SCAF8: variants seen among roughly 807,000 people sequenced by gnomAD.
The protein encoded by SCAF8 is SR-related and CTD-associated factor 8.
A neutral mutation model predicts 140.5 loss-of-function variants in SCAF8; 23 were observed. The observed-to-expected ratio is 0.16, with a 90% CI of 0.12 to 0.23. SCAF8 has a LOEUF of 0.23. Among genes scored for constraint, SCAF8 ranks in the 10% least tolerant of loss-of-function variants. The pLI is 1.00. For synonymous variants in SCAF8, 575 were observed against 528.9 expected, an observed-to-expected ratio of 1.09 and a Z score of -1.20; for missense variants, 1,397 against 1,555.7, an observed-to-expected ratio of 0.90 and a Z score of 1.72.
intron 1 of SCAF8, among the ~76,000 whole-genome samples, chr6:154,742,779 TCTCTAAA>T (rs1778604133): frequency 1.3e-5 from 2 of 152,222 alleles, no homozygotes; most frequent in Admixed American, 6.5e-5. Flanking sequence ...TTGCTCATGT[TCTCTAAA>T]GACAATTTTG....
In SCAF8 at chr6:154,805,432, G is replaced by A. The variant is rs1777885120; in HGVS notation, c.927G>A (p.Gln309=). Reference sequence around the variant, plus strand: ...ATCAGATAGCAGAACAACTACAACAGCAAAACCTAGAACATCTCAGACAGC... The same window carrying A: ...ATCAGATAGCAGAACAACTACAACAACAAAACCTAGAACATCTCAGACAGC... ...IFHQIAEQLQ[Q]QNLEHLRQQL... Residue 309 remains glutamine, a synonymous_variant, in exon 9 of 20, where the codon CAG becomes CAA. Transcript: ENST00000367178. 6.2e-7 allele frequency: 1 copy of A among 1,612,288 alleles called. No individual in the cohort carries two copies. The highest frequency in any genetic ancestry group is 1.3e-5 in the African/African-American group (1 of 74,978).
chr6:154,791,194 T>G (rs1403499832), intron 4 of SCAF8, among the ~76,000 whole-genome samples: 1 of 152,192 alleles, frequency 6.6e-6, no homozygotes, highest in African/African-American at 2.4e-5. Context: ...TGTAAAACTT[T>G]AATACAACCA....
At chr6:154,758,597 C>T (rs1779023578) in intron 1 of SCAF8, among the ~76,000 whole-genome samples, 1 of 152,088 alleles carries the variant, frequency 6.6e-6, no homozygotes, top group South Asian at 2.1e-4. Flanking sequence ...ATTCATTCTC[C>T]AGATGCCAGT....
chr6:154,816,790 CTTTA>C (rs775728071), intron 13 of SCAF8, among the ~76,000 whole-genome samples: 23 of 152,110 alleles, frequency 1.5e-4, no homozygotes, highest in Non-Finnish European at 3.1e-4. Flanking sequence ...TAACAGAATT[CTTTA>C]TTTGAGTTGA....
chr6:154,766,513 C>T (rs1299272304), intron 1 of SCAF8, among the ~76,000 whole-genome samples: 1 of 152,062 alleles, frequency 6.6e-6, no homozygotes, highest in Non-Finnish European at 1.5e-5. Context: ...GGCACTGCTT[C>T]TTCTGCTGCT....
chr6:154,756,137 GAA>G (rs1259820210), intron 1 of SCAF8, among the ~76,000 whole-genome samples: 4 of 152,266 alleles, frequency 2.6e-5, no homozygotes, highest in African/African-American at 4.8e-5. Context: ...TGTTAATGAG[GAA>G]AAGTTTGAGG....
Position 154,826,032 on chromosome 6 carries a change from T to TC in SCAF8, c.2072-1140_2072-1139insC, listed in dbSNP as rs368658409. Among the ~76,000 whole-genome samples, 568 of 152,292 alleles carry TC rather than the reference T, an allele frequency of 3.7e-3. 4 individuals carry two copies. Among genetic ancestry groups the TC allele is most frequent in the African/African-American group, 0.013 (542 of 41,554 alleles). ...AGAAGAAATACGGTATGTTGACTTC[T>TC]GTAACTTAAGTTCTTAGATGTTGGG... is the stretch of plus-strand genomic sequence containing the variant. On this transcript the variant is annotated intron_variant, in intron 17 of 19. Transcript: ENST00000367178.
intron 1 of SCAF8, among the ~76,000 whole-genome samples, chr6:154,772,050 T>TG (rs916116810): frequency 2.7e-4 from 41 of 151,796 alleles, no homozygotes; most frequent in Admixed American, 2.6e-3. Context: ...GAGACAAATA[T>TG]GGGGAAAAAC....
chr6:154,745,365 G>A (rs2114798415), intron 1 of SCAF8, among the ~76,000 whole-genome samples: 1 of 152,196 alleles, frequency 6.6e-6, no homozygotes, highest in Admixed American at 6.5e-5. Flanking sequence ...GGGATGTAGA[G>A]CTTTTGTTTA....
rs138382459 is a variant in SCAF8, at chr6:154,739,858, A to G, written c.30+5928A>G. ...ATCTCACCAACATCTAGTAGTAGAC[A>G]TGGCTTGGTAGAGAAAAGTGGAAAA... On this transcript the variant is annotated intron_variant, in intron 1 of 19. Coordinates refer to ENST00000367178, the MANE Select transcript of SCAF8 (RefSeq NM_014892.5). Among the ~76,000 whole-genome samples, 301 of 152,346 alleles carry G rather than the reference A, an allele frequency of 2.0e-3. 1 individual carries two copies. Among genetic ancestry groups the G allele is most frequent in the African/African-American group, 6.8e-3 (281 of 41,574 alleles).
chr6:154,757,774 T>C (rs1205703516), intron 1 of SCAF8, among the ~76,000 whole-genome samples: 1 of 152,224 alleles, frequency 6.6e-6, no homozygotes, highest in Admixed American at 6.5e-5. Context: ...CATGTACATA[T>C]GCCTCTGGAT....
chr6:154,788,450 G>T (rs1239762778), intron 4 of SCAF8, among the ~76,000 whole-genome samples: 2 of 152,122 alleles, frequency 1.3e-5, no homozygotes, highest in African/African-American at 4.8e-5. Flanking sequence ...TTTGCTCTTA[G>T]TTATTTCAAA....
At chr6:154,785,367 G>A (rs1777222084) in intron 3 of SCAF8, among the ~76,000 whole-genome samples, 1 of 152,172 alleles carries the variant, frequency 6.6e-6, no homozygotes, top group Non-Finnish European at 1.5e-5. Context: ...GAGTGGAATT[G>A]CTGGTTACAG....
At chr6:154,809,960 A>G in intron 11 of SCAF8, 55 bp from the exon 12 acceptor site, 1 of 1,399,790 alleles carries the variant, frequency 7.1e-7, no homozygotes. Context: ...TAGAAGTGAC[A>G]GATTTGGTAG....
At position 154,795,152 on chromosome 6, in the gene SCAF8, TC is replaced by T; in HGVS notation, c.606+14del. ...TCAAGGCCAGCAGGTGAGCGGTTTT[TC>T]TGTTATATCAAGAATAATTTAGAAT... On this transcript the variant is annotated intron_variant, in intron 6 of 19. Coordinates refer to ENST00000367178, the MANE Select transcript of SCAF8 (RefSeq NM_014892.5). 4.2e-6 allele frequency: 2 copies of T among 478,710 alleles called. No homozygotes were observed. Among genetic ancestry groups the T allele is most frequent in the South Asian group, 6.1e-5 (1 of 16,278 alleles). 29.7% of individuals were successfully genotyped at this position (478,710 alleles called of 1,614,324 possible).
intron 1 of SCAF8, among the ~76,000 whole-genome samples, chr6:154,752,792 T>A (rs1778870069): frequency 6.6e-6 from 1 of 152,162 alleles, no homozygotes; most frequent in African/African-American, 2.4e-5. Context: ...TGCAGTCATG[T>A]CTTGCAGCAT....
chr6:154,809,881 C>G (rs1039109365), intron 11 of SCAF8, 134 bp from the exon 12 acceptor site: 1 of 784,372 alleles, frequency 1.3e-6, no homozygotes, highest in African/African-American at 1.8e-5. Flanking sequence ...CTTGATTTTA[C>G]TTCAGAATAT....
intron 1 of SCAF8, among the ~76,000 whole-genome samples, chr6:154,756,225 G>C (rs565290498): frequency 1.7e-4 from 26 of 152,284 alleles, no homozygotes; most frequent in Middle Eastern, 3.4e-3. Flanking sequence ...GAATAACAAA[G>C]ATGCTCCGTC....
intron 14 of SCAF8, 144 bp from the exon 15 acceptor site, chr6:154,820,033 A>T: frequency 1.8e-6 from 1 of 569,036 alleles, no homozygotes; most frequent in Non-Finnish European, 2.9e-6. Context: ...GGCTACTGTT[A>T]GTTTTTCAGC....
Sources: allele counts gnomAD v4.1 joint callset (sites outside exome capture counted in the v4.1 genomes callset), GRCh38; gene constraint gnomAD v4.1.1; transcripts MANE v1.5; gene names NCBI Gene and HGNC (gene_info 2026-07-23, HGNC 2026-07-21).